Variants in LIN28B observed in about 807,000 individuals in gnomAD.
LIN28B encodes lin-28 RNA binding posttranscriptional regulator B, also known as protein lin-28 homolog B.
Under a neutral mutation model 21.9 loss-of-function variants are expected in LIN28B, and 5 were observed. The ratio of observed to expected loss-of-function variants is 0.23; its 90% CI spans 0.12 to 0.48. The LOEUF (loss-of-function observed/expected upper bound fraction) is 0.48. Ranked by LOEUF, LIN28B falls within the 20% of genes least tolerant of loss-of-function variation. The probability of loss-of-function intolerance (pLI) is 0.98; values close to 1 mark genes in which losing one functional copy is unlikely to be tolerated. For missense variants in LIN28B, 245 were observed against 310.5 expected (o/e 0.79, Z 1.58); for synonymous variants, 109 against 111.3 (o/e 0.98, Z 0.13).
intron 3 of LIN28B, among the ~76,000 whole-genome samples, chr6:105,029,394 G>C (rs747137090): frequency 1.3e-5 from 2 of 152,158 alleles, no homozygotes; most frequent in South Asian, 2.1e-4. Flanking sequence ...AAGCACAACT[G>C]GGGGAGCTGA....
At chr6:104,976,160 G>GT (rs1404617938) in intron 2 of LIN28B, among the ~76,000 whole-genome samples, 1 of 152,102 alleles carries the variant, frequency 6.6e-6, no homozygotes, top group Non-Finnish European at 1.5e-5. Flanking sequence ...AAAGATTCAG[G>GT]TATGAGCAAA....
intron 3 of LIN28B, among the ~76,000 whole-genome samples, chr6:105,032,569 A>G (rs145043859): frequency 6.6e-6 from 1 of 152,116 alleles, no homozygotes; most frequent in East Asian, 1.9e-4. Flanking sequence ...TGCAAAAAGT[A>G]AAAAAATTAG....
At chr6:104,975,841 CTTT>C (rs532004311) in intron 2 of LIN28B, among the ~76,000 whole-genome samples, 2 of 135,376 alleles carry the variant, frequency 1.5e-5, no homozygotes, top group African/African-American at 2.7e-5. Flanking sequence ...TCTTCTTCTT[CTTT>C]TTTTTTTTTT....
In LIN28B at chr6:105,034,919, A is replaced by G. The variant is rs572899468; in HGVS notation, c.383+8437A>G. ...AAATTCACATTTCTTTATTAAACAG[A>G]AAAATATTTATTTATTGCCCTCATT... On this transcript the variant is annotated intron_variant, in intron 3 of 3. Transcript: ENST00000345080. 2.0e-5 allele frequency among the ~76,000 whole-genome samples: 3 copies of G among 152,180 alleles called. No homozygotes were observed. The South Asian group carries it at 6.2e-4, about 32-fold the overall frequency.
intron 2 of LIN28B, among the ~76,000 whole-genome samples, chr6:105,012,315 G>A (rs1427510391): frequency 1.3e-5 from 2 of 150,446 alleles, no homozygotes; most frequent in East Asian, 2.0e-4. Context: ...TAAAAAATAC[G>A]AAAATTAGCT....
intron 3 of LIN28B, among the ~76,000 whole-genome samples, chr6:105,045,831 C>T (rs1451494940): frequency 6.6e-6 from 1 of 152,058 alleles, no homozygotes. Context: ...CAAAACCTTG[C>T]CAGAACTCAG....
At chr6:105,052,456 A>G (rs1159610259) in intron 3 of LIN28B, among the ~76,000 whole-genome samples, 1 of 152,166 alleles carries the variant, frequency 6.6e-6, no homozygotes, top group Non-Finnish European at 1.5e-5. Flanking sequence ...GGAGGAAAGG[A>G]TACCAAACTT....
At chr6:104,973,538 C>T (rs757409001) in intron 2 of LIN28B, among the ~76,000 whole-genome samples, 3 of 152,140 alleles carry the variant, frequency 2.0e-5, no homozygotes, top group African/African-American at 7.2e-5. Flanking sequence ...CCTCCTCCCC[C>T]CACTCCCCTT....
chr6:105,002,133 G>A (rs907676370), intron 2 of LIN28B, among the ~76,000 whole-genome samples: 9 of 151,492 alleles, frequency 5.9e-5, no homozygotes, highest in Admixed American at 3.3e-4. Context: ...GTGATCATTG[G>A]AGCAGGCTGA....
At chr6:104,996,198 A>G (rs1770597690) in intron 2 of LIN28B, among the ~76,000 whole-genome samples, 1 of 152,178 alleles carries the variant, frequency 6.6e-6, no homozygotes, top group African/African-American at 2.4e-5. Flanking sequence ...TGCCATCAGA[A>G]AGCAGGAGTC....
chr6:104,962,156 G>A (rs1440621083), intron 2 of LIN28B, among the ~76,000 whole-genome samples: 1 of 151,734 alleles, frequency 6.6e-6, no homozygotes, highest in South Asian at 2.1e-4. Flanking sequence ...TCACATATTG[G>A]GTGTATATAT....
chr6:104,957,338 T>G (rs1311362668), intron 1 of LIN28B, 78 bp downstream of exon 1: 7 of 763,300 alleles, frequency 9.2e-6, no homozygotes, highest in Non-Finnish European at 1.1e-5. Flanking sequence ...CCACCCTTCT[T>G]AGACCGTCCC....
At chr6:104,979,297 C>T (rs1236702137) in intron 2 of LIN28B, among the ~76,000 whole-genome samples, 2 of 151,832 alleles carry the variant, frequency 1.3e-5, no homozygotes, top group East Asian at 1.9e-4. Flanking sequence ...GCAACCTCCG[C>T]CTCCCAGGCT....
At chr6:105,075,648 TC>T (rs1187215084) in intron 3 of LIN28B, among the ~76,000 whole-genome samples, 1 of 152,194 alleles carries the variant, frequency 6.6e-6, no homozygotes, top group Non-Finnish European at 1.5e-5. Context: ...TTATATAGCA[TC>T]CTTAAAAATA....
At chr6:104,991,785 C>A (rs1459854948) in intron 2 of LIN28B, among the ~76,000 whole-genome samples, 1 of 152,210 alleles carries the variant, frequency 6.6e-6, no homozygotes, top group African/African-American at 2.4e-5. Flanking sequence ...CCGAGGCTGG[C>A]AGATCACTCG....
intron 2 of LIN28B, among the ~76,000 whole-genome samples, chr6:105,022,990 A>G (rs1428442143): frequency 6.6e-6 from 1 of 151,186 alleles, no homozygotes; most frequent in Non-Finnish European, 1.5e-5. Context: ...AAAAGTAAGC[A>G]TTGGAACCAG....
chr6:104,956,978 C>T, upstream of LIN28B: 3 of 828,522 alleles, frequency 3.6e-6, no homozygotes, highest in Non-Finnish European at 5.2e-6. Flanking sequence ...GATGAAATGG[C>T]GATTGGTTAT....
At chr6:105,063,162 C>T (rs1372322609) in intron 3 of LIN28B, among the ~76,000 whole-genome samples, 1 of 152,056 alleles carries the variant, frequency 6.6e-6, no homozygotes, top group East Asian at 1.9e-4. Flanking sequence ...TATAAAGGCT[C>T]ATACTCTGAG....
At chr6:104,962,346 C>G (rs1769764344) in intron 2 of LIN28B, among the ~76,000 whole-genome samples, 1 of 151,808 alleles carries the variant, frequency 6.6e-6, no homozygotes, top group African/African-American at 2.4e-5. Flanking sequence ...AATAATTTAC[C>G]TTTATTCATC....
Sources: gnomAD v4.1 joint callset for allele counts (sites outside exome capture counted in the v4.1 genomes callset) on GRCh38, gnomAD v4.1.1 for gene constraint, MANE v1.5 for transcripts, NCBI Gene and HGNC (gene_info 2026-07-23, HGNC 2026-07-21) for gene names.